Variants in PRLR observed in about 807,000 individuals in gnomAD.
PRLR encodes the protein hPRL receptor.
In PRLR, 13 loss-of-function variants were observed where a neutral mutation model predicts 40.2. The observed-to-expected ratio is 0.32, with a 90% CI of 0.21 to 0.51. The LOEUF is 0.51. PRLR is among the 20% of genes least tolerant of loss of function. The probability of loss-of-function intolerance (pLI) is 0.97; values close to 1 mark genes in which losing one functional copy is unlikely to be tolerated. For synonymous variants in PRLR, 269 were observed against 278.7 expected (o/e 0.97, Z 0.35); for missense variants, 656 against 747.3 (o/e 0.88, Z 1.42).
intron 2 of PRLR, among the ~76,000 whole-genome samples, chr5:35,112,077 TG>T (rs1056617826): frequency 6.6e-6 from 1 of 152,198 alleles, no homozygotes; most frequent in Non-Finnish European, 1.5e-5. Flanking sequence ...TTTCAGCAGT[TG>T]CTGACAGCCG....
intron 7 of PRLR, among the ~76,000 whole-genome samples, chr5:35,069,879 A>C (rs1561265718): frequency 6.6e-6 from 1 of 152,238 alleles, no homozygotes; most frequent in African/African-American, 2.4e-5. Context: ...ATAACTGCTC[A>C]TCAAGCCCCT....
intron 1 of PRLR, among the ~76,000 whole-genome samples, chr5:35,223,030 G>C (rs1243848760): frequency 6.6e-6 from 1 of 152,192 alleles, no homozygotes; most frequent in African/African-American, 2.4e-5. Flanking sequence ...CACCCCCAAA[G>C]TACACAGAGG....
chr5:35,112,337 G>T (rs574279870), intron 2 of PRLR, among the ~76,000 whole-genome samples: 1 of 152,290 alleles, frequency 6.6e-6, no homozygotes, highest in East Asian at 1.9e-4. Flanking sequence ...GAGCCTCAAA[G>T]AAGGGCTGGG....
chr5:35,182,302 C>T (rs1234143293), intron 1 of PRLR, among the ~76,000 whole-genome samples: 1 of 152,126 alleles, frequency 6.6e-6, no homozygotes, highest in African/African-American at 2.4e-5. Flanking sequence ...TTACTGCCGA[C>T]AAAAATATTT....
chr5:35,104,381 G>A (rs895548295), intron 2 of PRLR, among the ~76,000 whole-genome samples: 1 of 151,992 alleles, frequency 6.6e-6, no homozygotes, highest in South Asian at 2.1e-4. Context: ...TTGTTGGACA[G>A]TGGGTGCAGC....
intron 5 of PRLR, among the ~76,000 whole-genome samples, chr5:35,076,875 A>G (rs1770138334): frequency 6.6e-6 from 1 of 152,228 alleles, no homozygotes; most frequent in Non-Finnish European, 1.5e-5. Context: ...CCCAGAAGAG[A>G]GTGGGGGCCA....
intron 1 of PRLR, among the ~76,000 whole-genome samples, chr5:35,169,369 T>C (rs188717696): frequency 3.8e-4 from 58 of 152,330 alleles, no homozygotes; most frequent in East Asian, 1.9e-4. Context: ...GTATAATAGT[T>C]AGGTCAAAAT....
At chr5:35,111,018 C>G (rs1772630732) in intron 2 of PRLR, among the ~76,000 whole-genome samples, 1 of 152,136 alleles carries the variant, frequency 6.6e-6, no homozygotes, top group Non-Finnish European at 1.5e-5. Flanking sequence ...AGGCTAGTAG[C>G]TCATTGCTGT....
Position 35,064,146 on chromosome 5 carries a change from C to T in PRLR, c.*943G>A, listed in dbSNP as rs1179630499. 6.6e-6 allele frequency: 1 copy of T among 152,062 alleles called. No homozygotes were observed. The highest frequency in any genetic ancestry group is 1.5e-5 in the Non-Finnish European group (1 of 68,010). The allele number at this position is 152,062 out of a possible 1,614,324, so 9.4% of individuals were successfully genotyped here. A position where few individuals can be genotyped will look rare whatever the true frequency, so the allele number is the denominator to read the frequency against. On this transcript the variant is annotated 3_prime_UTR_variant, in exon 10 of 10. Coordinates refer to ENST00000618457, the MANE Select transcript of PRLR (RefSeq NM_000949.7). ...CTGTACTGGGAAAATAGAAAATAGT[C>T]TTTTATTTTACCTAAGTCATAGAAA...
At chr5:35,104,174 G>A (rs1772074666) in intron 2 of PRLR, among the ~76,000 whole-genome samples, 1 of 152,158 alleles carries the variant, frequency 6.6e-6, no homozygotes. Context: ...CTAAATGGCA[G>A]CCTTCACTCT....
chr5:35,070,841 CA>C (rs34668616), intron 6 of PRLR, among the ~76,000 whole-genome samples: 22,436 of 69,532 alleles, frequency 0.32, 1,380 homozygotes, highest in African/African-American at 0.46. Flanking sequence ...AACTCCGTCT[CA>C]AAAAAAAAAA....
intron 1 of PRLR, among the ~76,000 whole-genome samples, chr5:35,183,027 C>T (rs1579774258): frequency 1.3e-5 from 2 of 152,140 alleles, no homozygotes; most frequent in East Asian, 3.9e-4. Flanking sequence ...CAACCTGAGA[C>T]GTTCTCTAGC....
At chr5:35,123,617 G>C (rs1298515352) in intron 1 of PRLR, among the ~76,000 whole-genome samples, 3 of 152,180 alleles carry the variant, frequency 2.0e-5, no homozygotes, top group Non-Finnish European at 2.9e-5. Flanking sequence ...TTTTGAGTCA[G>C]AAAATCTAAG....
chr5:35,119,047 G>A (rs185023338), intron 1 of PRLR, among the ~76,000 whole-genome samples: 1 of 152,024 alleles, frequency 6.6e-6, no homozygotes, highest in Admixed American at 6.6e-5. Context: ...TGCCTGCCTC[G>A]TACTCCCAAA....
intron 1 of PRLR, among the ~76,000 whole-genome samples, chr5:35,206,652 G>T (rs1776028389): frequency 2.0e-5 from 3 of 152,020 alleles, no homozygotes; most frequent in Admixed American, 2.0e-4. Context: ...CTTTGACTTT[G>T]CTAAGTATAA....
intron 2 of PRLR, among the ~76,000 whole-genome samples, chr5:35,109,183 G>T (rs559139599): frequency 6.6e-5 from 10 of 152,274 alleles, no homozygotes; most frequent in African/African-American, 1.9e-4. Context: ...GTTGAAACTG[G>T]ATCCCTTCCT....
chr5:35,144,192 TTTTG>T (rs1774108747), intron 1 of PRLR, among the ~76,000 whole-genome samples: 1 of 152,004 alleles, frequency 6.6e-6, no homozygotes, highest in Admixed American at 6.6e-5. Flanking sequence ...TTTATCTTTC[TTTTG>T]TTTCATGCTT....
intron 1 of PRLR, among the ~76,000 whole-genome samples, chr5:35,207,502 G>T (rs1000224304): frequency 2.0e-4 from 31 of 151,950 alleles, no homozygotes; most frequent in African/African-American, 7.3e-4. Flanking sequence ...AAGTATAAAA[G>T]AATTGAGTAA....
At chr5:35,194,067 G>T (rs1382900782) in intron 1 of PRLR, among the ~76,000 whole-genome samples, 3 of 152,174 alleles carry the variant, frequency 2.0e-5, no homozygotes, top group Non-Finnish European at 2.9e-5. Flanking sequence ...GCTTGATGCT[G>T]CCCCGTGGCA....
Sources: gnomAD v4.1 joint callset for allele counts (sites outside exome capture counted in the v4.1 genomes callset) on GRCh38, gnomAD v4.1.1 for gene constraint, MANE v1.5 for transcripts, NCBI Gene and HGNC (gene_info 2026-07-23, HGNC 2026-07-21) for gene names.